CCDC73: variants seen among roughly 807,000 people sequenced by gnomAD.
CCDC73 encodes the protein coiled-coil domain-containing protein 73.
In CCDC73, 95 loss-of-function variants were observed where a neutral mutation model predicts 116.5. That is an observed-to-expected ratio of 0.82 (90% CI 0.69 to 0.97). The LOEUF is 0.97. Among genes scored for constraint, CCDC73 ranks in the 50% least tolerant of loss-of-function variants. CCDC73 has a pLI of 0.00. For synonymous variants in CCDC73, 398 were observed against 401.3 expected (o/e 0.99, Z 0.10); for missense variants, 1,066 against 1,206.8 (o/e 0.88, Z 1.73).
the CCDC73 span, among the ~76,000 whole-genome samples, chr11:32,813,889 C>G: frequency 6.6e-6 from 1 of 152,150 alleles, no homozygotes; most frequent in African/African-American, 2.4e-5. Flanking sequence ...TAGCCTTTTA[C>G]TTTTCCAATC....
intron 1 of CCDC73, among the ~76,000 whole-genome samples, chr11:32,761,778 CAG>C (rs752428350): frequency 6.6e-6 from 1 of 151,768 alleles, no homozygotes; most frequent in Non-Finnish European, 1.5e-5. Flanking sequence ...CACACACACG[CAG>C]AGAGAGAGAG....
At chr11:32,821,871 G>A in the CCDC73 span, among the ~76,000 whole-genome samples, 1 of 152,170 alleles carries the variant, frequency 6.6e-6, no homozygotes, top group Non-Finnish European at 1.5e-5. Flanking sequence ...TTATTTGACT[G>A]TTAGAAATGA....
chr11:32,822,683 G>A, the CCDC73 span, among the ~76,000 whole-genome samples: 1,212 of 151,652 alleles, frequency 8.0e-3, 10 homozygotes, highest in Non-Finnish European at 0.014. Context: ...TTATAGAAAC[G>A]TCTTAGGGAA....
rs1304600275 is a variant in CCDC73 at position 32,655,009 on chromosome 11, A to C, written c.646-37T>G. 5.7e-6 allele frequency: 7 copies of C among 1,227,464 alleles called. No individual in the cohort carries two copies. In the African/African-American group the frequency reaches 1.2e-4, roughly 21 times the overall value. 76.0% of individuals were successfully genotyped at this position (1,227,464 alleles called of 1,614,324 possible). A position where few individuals can be genotyped will look rare whatever the true frequency, so the allele number is the denominator to read the frequency against. On this transcript the variant is annotated intron_variant, in intron 9 of 17. Transcript: ENST00000335185. ...ACATATCAAACAGAAAATTCAGTAC[A>C]CATATTTCACTAAAACAAGGTACTT...
chr11:32,698,010 AATTTTTTTTTT>A lies in CCDC73; in HGVS notation c.390+1230_390+1240del, dbSNP rs1444966611. On this transcript the variant is annotated intron_variant, in intron 6 of 17. Transcript: ENST00000335185. ...TCTGTTGTTTCTTTGTCTAACACTG[AATTTTTTTTTT>A]TTTTTTTTTTTTTTTTTTTTTGAGA... is the stretch of plus-strand genomic sequence containing the variant. Among the ~76,000 whole-genome samples the A allele has an allele frequency of 2.0e-4, 23 of 117,742 alleles. 2 individuals carry two copies. Among genetic ancestry groups the A allele is most frequent in the East Asian group, 4.9e-4 (2 of 4,050 alleles). 77.2% of individuals were successfully genotyped at this position (117,742 alleles called of 152,430 possible).
At chr11:32,672,777 T>C (rs1323076614) in intron 9 of CCDC73, among the ~76,000 whole-genome samples, 3 of 152,200 alleles carry the variant, frequency 2.0e-5, no homozygotes, top group African/African-American at 7.2e-5. Context: ...TACATATATA[T>C]TAATTGTACT....
rs1274475862 is a variant in CCDC73 at position 32,690,137 on chromosome 11, G to C, written c.391-6563C>G. 2.0e-5 allele frequency among the ~76,000 whole-genome samples: 3 copies of C among 151,554 alleles called. 1 individual carries two copies. Among genetic ancestry groups the C allele is most frequent in the Middle Eastern group, 6.8e-3 (2 of 294 alleles). ...AAGGAGAAAATATAAAGACTCGTTG[G>C]GGAAGGTAATACTTGAAGTGATAAT... On this transcript the variant is annotated intron_variant, in intron 6 of 17. Coordinates refer to ENST00000335185, the MANE Select transcript of CCDC73 (RefSeq NM_001008391.4).
intron 5 of CCDC73, among the ~76,000 whole-genome samples, chr11:32,699,744 C>T (rs371828057): frequency 6.6e-5 from 10 of 151,782 alleles, no homozygotes; most frequent in East Asian, 1.9e-4. Context: ...GTGGGGGGAG[C>T]GGAGAGGGTT....
At chr11:32,763,042 G>A (rs1020534918) in intron 1 of CCDC73, among the ~76,000 whole-genome samples, 1 of 152,200 alleles carries the variant, frequency 6.6e-6, no homozygotes, top group Non-Finnish European at 1.5e-5. Context: ...GCGGCAGTGA[G>A]CCTGAGGAAG....
Position 32,756,951 on chromosome 11 carries a change from C to A in CCDC73, c.135+3158G>T, listed in dbSNP as rs1029210433. Reference sequence around the variant, plus strand: ...CTGAATAAGATCTGTTCTTGCTTATCACACATGCCTGCAAAATGTCTGGTA... The same window carrying A: ...CTGAATAAGATCTGTTCTTGCTTATAACACATGCCTGCAAAATGTCTGGTA... On this transcript the variant is annotated intron_variant, in intron 2 of 17. Transcript: ENST00000335185. Among the ~76,000 whole-genome samples, 4 of 152,154 alleles carry A rather than the reference C, an allele frequency of 2.6e-5. No homozygotes were observed. The East Asian group carries it at 5.8e-4, about 22-fold the overall frequency.
the CCDC73 span, chr11:32,830,471 G>C: frequency 7.5e-7 from 1 of 1,334,902 alleles, no homozygotes; most frequent in South Asian, 1.6e-5. Context: ...TGAGCTAGGG[G>C]CCTTTTTTTT....
At chr11:32,730,597 T>A (rs1850066999) in intron 2 of CCDC73, among the ~76,000 whole-genome samples, 1 of 152,230 alleles carries the variant, frequency 6.6e-6, no homozygotes, top group African/African-American at 2.4e-5. Flanking sequence ...CTTTTAAGAT[T>A]CTGTTTGGTT....
At chr11:32,666,514 T>C (rs1357207488) in intron 9 of CCDC73, among the ~76,000 whole-genome samples, 1 of 152,210 alleles carries the variant, frequency 6.6e-6, no homozygotes, top group Non-Finnish European at 1.5e-5. Context: ...CTCCATCAGG[T>C]CATTTAAGGA....
chr11:32,807,056 G>C, the CCDC73 span, among the ~76,000 whole-genome samples: 1 of 152,184 alleles, frequency 6.6e-6, no homozygotes, highest in Admixed American at 6.5e-5. Flanking sequence ...CCTATTTATT[G>C]GGTAGAAAGA....
intron 14 of CCDC73, among the ~76,000 whole-genome samples, chr11:32,619,221 T>G (rs1855500890): frequency 6.6e-6 from 1 of 152,224 alleles, no homozygotes; most frequent in Non-Finnish European, 1.5e-5. Context: ...TTTGAGAACT[T>G]AGTCATAAAT....
At chr11:32,792,924 T>A (rs912364215) in intron 1 of CCDC73, among the ~76,000 whole-genome samples, 1 of 152,218 alleles carries the variant, frequency 6.6e-6, no homozygotes, top group African/African-American at 2.4e-5. Flanking sequence ...TTAAATGAGA[T>A]AACTTCCAGC....
At chr11:32,753,331 C>T (rs1251657114) in intron 2 of CCDC73, among the ~76,000 whole-genome samples, 2 of 148,194 alleles carry the variant, frequency 1.3e-5, no homozygotes, top group Admixed American at 6.7e-5. Flanking sequence ...AAGCTCTTGC[C>T]GTGTCACCCA....
intron 6 of CCDC73, among the ~76,000 whole-genome samples, chr11:32,685,232 C>A (rs1590592945): frequency 1.8e-5 from 2 of 112,568 alleles, no homozygotes. Flanking sequence ...GTAAGTAAAG[C>A]ATTGATATAG....
intron 1 of CCDC73, among the ~76,000 whole-genome samples, chr11:32,776,157 T>A (rs961046753): frequency 6.6e-6 from 1 of 152,140 alleles, no homozygotes; most frequent in Non-Finnish European, 1.5e-5. Flanking sequence ...TTCCTTCTAA[T>A]TTGCTCTTAG....
Sources: allele counts gnomAD v4.1 joint callset (sites outside exome capture counted in the v4.1 genomes callset), GRCh38; gene constraint gnomAD v4.1.1; transcripts MANE v1.5; gene names NCBI Gene and HGNC (gene_info 2026-07-23, HGNC 2026-07-21).